PCM1: variants seen among roughly 807,000 people sequenced by gnomAD.
The protein encoded by PCM1 is pericentriolar material 1.
A neutral mutation model predicts 241.9 loss-of-function variants in PCM1; 157 were observed. The ratio of observed to expected loss-of-function variants is 0.65; its 90% confidence interval spans 0.57 to 0.74. PCM1 has a LOEUF of 0.74. Among genes scored for constraint, PCM1 ranks in the 30% least tolerant of loss-of-function variants. PCM1 has a pLI of 0.00. For synonymous variants in PCM1, 1,085 were observed against 784.9 expected, an observed-to-expected ratio of 1.38 and a Z score of -6.39; for missense variants, 3,478 against 2,360.1, an observed-to-expected ratio of 1.47 and a Z score of -9.81.
intron 2 of PCM1, among the ~76,000 whole-genome samples, chr8:17,929,428 C>T (rs1010116353): frequency 6.6e-6 from 1 of 152,168 alleles, no homozygotes; most frequent in African/African-American, 2.4e-5. Flanking sequence ...GTGGATGACT[C>T]TCCAGCCCAG....
chr8:18,025,322 G>T, intron 36 of PCM1, 39 bp from the exon 37 acceptor site: 2 of 1,065,776 alleles, frequency 1.9e-6, no homozygotes, highest in Non-Finnish European at 2.9e-6. Flanking sequence ...GACTGGTTTG[G>T]ATCTAGAGTA....
chr8:17,952,425 G>C (rs936018398), intron 8 of PCM1, among the ~76,000 whole-genome samples: 1 of 152,060 alleles, frequency 6.6e-6, no homozygotes, highest in African/African-American at 2.4e-5. Flanking sequence ...GATGTCTAGT[G>C]AATCCAAGAC....
At chr8:17,992,323 G>A (rs148611742) in intron 28 of PCM1, among the ~76,000 whole-genome samples, 1 of 152,234 alleles carries the variant, frequency 6.6e-6, no homozygotes, top group African/African-American at 2.4e-5. Flanking sequence ...TCTTCATACT[G>A]TTTTCCATAG....
chr8:17,966,131 A>G lies in PCM1; in HGVS notation c.2988A>G (p.Lys996=), dbSNP rs1213073009. 2 of 1,613,820 alleles carry G rather than the reference A, an allele frequency of 1.2e-6. No individual in the cohort carries two copies. ...WVSELSYVEE[K]EQWQEQINQL... ...CAGAGCTCTCTTACGTAGAAGAGAA[A>G]GAACAATGGCAAGAACAAATCAATC... is the stretch of plus-strand genomic sequence containing the variant. Residue 996 remains lysine (K), a synonymous_variant, in exon 19 of 39, where the codon AAA becomes AAG. Coordinates refer to ENST00000325083, the MANE Select transcript of PCM1 (RefSeq NM_006197.4).
chr8:17,970,278 T>C (rs756991121), intron 22 of PCM1, among the ~76,000 whole-genome samples: 1 of 152,152 alleles, frequency 6.6e-6, no homozygotes, highest in Non-Finnish European at 1.5e-5. Context: ...CCGTTGAACC[T>C]AGTCTGTCAG....
chr8:18,018,203 C>T (rs899413573), intron 36 of PCM1, among the ~76,000 whole-genome samples: 1 of 152,186 alleles, frequency 6.6e-6, no homozygotes, highest in Non-Finnish European at 1.5e-5. Flanking sequence ...AAAGTTCTCT[C>T]TGGAAGGAAA....
chr8:17,923,827 G>C (rs922169126), intron 1 of PCM1, among the ~76,000 whole-genome samples: 27 of 152,176 alleles, frequency 1.8e-4, no homozygotes, highest in African/African-American at 6.3e-4. Context: ...TATCTAGTTA[G>C]AATTGGGCCT....
chr8:17,959,932 A>T, intron 13 of PCM1, 82 bp from the exon 14 acceptor site: 1 of 1,285,228 alleles, frequency 7.8e-7, no homozygotes, highest in South Asian at 1.4e-5. Context: ...TAAATTTTAC[A>T]GACTAGTGGT....
intron 23 of PCM1, among the ~76,000 whole-genome samples, chr8:17,979,529 C>T (rs569860983): frequency 6.6e-6 from 1 of 152,260 alleles, no homozygotes; most frequent in Non-Finnish European, 1.5e-5. Context: ...ACGCTCTTCT[C>T]ATAGTAGTAC....
chr8:18,005,015 G>C (rs545612584), intron 29 of PCM1, among the ~76,000 whole-genome samples: 2 of 151,954 alleles, frequency 1.3e-5, no homozygotes, highest in African/African-American at 2.4e-5. Flanking sequence ...ACTTTTTCAC[G>C]TATTAGCTGT....
rs373060355 is a variant in PCM1 at position 17,928,701 on chromosome 8, C to T, written c.-23+3921C>T. 9.0e-4 allele frequency among the ~76,000 whole-genome samples: 133 copies of T among 146,994 alleles called. 1 individual carries two copies. The highest frequency in any genetic ancestry group is 3.0e-3 in the African/African-American group (118 of 39,740). On this transcript the variant is annotated intron_variant, in intron 2 of 38. Transcript: ENST00000325083. ...AGGCTGAGTGCAATGGCACTATCTCCGCTCACTGTAACCTCTGCCTCCCGG... is the reference window on the plus strand; with the variant it reads ...AGGCTGAGTGCAATGGCACTATCTCTGCTCACTGTAACCTCTGCCTCCCGG...
intron 28 of PCM1, among the ~76,000 whole-genome samples, chr8:17,992,248 G>T (rs916770389): frequency 1.3e-5 from 2 of 152,048 alleles, no homozygotes; most frequent in Admixed American, 6.5e-5. Flanking sequence ...CTTTTCTTCT[G>T]GGCAGATACC....
chr8:17,928,927 C>T (rs569576893), intron 2 of PCM1, among the ~76,000 whole-genome samples: 4 of 152,196 alleles, frequency 2.6e-5, no homozygotes, highest in Admixed American at 6.5e-5. Context: ...CCACCGCACC[C>T]GACCAGTATC....
At chr8:18,018,852 G>A (rs11779391) in intron 36 of PCM1, among the ~76,000 whole-genome samples, 18,712 of 50,184 alleles carry the variant, frequency 0.37, 1,969 homozygotes, top group East Asian at 0.58. Context: ...GTGTGTGTGT[G>A]TATATATATA....
chr8:17,988,227 C>T (rs1314562154), intron 26 of PCM1, among the ~76,000 whole-genome samples: 1 of 151,720 alleles, frequency 6.6e-6, no homozygotes, highest in Non-Finnish European at 1.5e-5. Flanking sequence ...TTTCCCTATT[C>T]CTAAAATACG....
intron 13 of PCM1, among the ~76,000 whole-genome samples, chr8:17,959,017 T>C (rs2070255838): frequency 6.6e-6 from 1 of 152,172 alleles, no homozygotes; most frequent in Non-Finnish European, 1.5e-5. Context: ...AAGTACATAT[T>C]ACTAATAAAC....
Position 17,962,189 on chromosome 8 carries a change from A to T in PCM1, c.2463+15A>T. On this transcript the variant is annotated intron_variant, in intron 16 of 38. Coordinates refer to ENST00000325083, the MANE Select transcript of PCM1 (RefSeq NM_006197.4). The stretch of plus-strand genomic sequence containing the variant: ...TAGATAATGAGGTATTGTAAATTGT[A>T]CTCTCTTGTTCCTGAGTTAGTCTTT... The T allele has an allele frequency of 6.3e-7, 1 of 1,588,256 alleles. No individual in the cohort carries two copies. Among genetic ancestry groups the T allele is most frequent in the Non-Finnish European group, 8.6e-7 (1 of 1,165,290 alleles).
intron 29 of PCM1, among the ~76,000 whole-genome samples, chr8:17,999,567 T>A (rs1026892419): frequency 1.3e-5 from 2 of 152,048 alleles, no homozygotes; most frequent in Non-Finnish European, 2.9e-5. Flanking sequence ...CTCCTTGCTC[T>A]CGTCTCCTCA....
chr8:17,967,033 A>C lies in PCM1; in HGVS notation c.3275A>C (p.Lys1092Thr). Residue 1092 changes from lysine to threonine, a missense_variant, in exon 21 of 39, where the codon AAA (lysine) becomes ACA (threonine). By Grantham distance (78) the Lys-to-Thr change is moderately conservative. Coordinates refer to ENST00000325083, the MANE Select transcript of PCM1 (RefSeq NM_006197.4). ...LMRQQNQHPE[K>T]PGGKERGSSA... ...CGCCAGCAAAATCAGCATCCAGAAA[A>C]ACCTGGAGGCAAGGAAAGAGGCAGT... is the stretch of plus-strand genomic sequence containing the variant. 1 of 1,609,510 alleles carries C rather than the reference A, an allele frequency of 6.2e-7. No homozygotes were observed. Among genetic ancestry groups the C allele is most frequent in the Non-Finnish European group, 8.5e-7 (1 of 1,177,772 alleles).
Sources: allele counts gnomAD v4.1 joint callset (sites outside exome capture counted in the v4.1 genomes callset), GRCh38; gene constraint gnomAD v4.1.1; transcripts MANE v1.5; gene names NCBI Gene and HGNC (gene_info 2026-07-23, HGNC 2026-07-21).